ANKFY1: variants seen among roughly 807,000 people sequenced by gnomAD.
ANKFY1 encodes ankyrin repeat and FYVE domain-containing protein 1.
ANKFY1 carries 47 observed loss-of-function variants against 128.3 expected under a neutral mutation model. The ratio of observed to expected loss-of-function variants is 0.37; its 90% CI spans 0.29 to 0.47. The LOEUF (loss-of-function observed/expected upper bound fraction) is 0.47, where lower values mean the gene tolerates loss of function less well. Among genes scored for constraint, ANKFY1 ranks in the 20% least tolerant of loss-of-function variants. ANKFY1 has a pLI of 1.00. For synonymous variants in ANKFY1, 553 were observed against 601.6 expected (o/e 0.92, Z 1.18); for missense variants, 1,222 against 1,510.6 (o/e 0.81, Z 3.17).
At position 4,173,960 on chromosome 17, in the gene ANKFY1, G is replaced by A. The variant is rs1246018720; in HGVS notation, c.2872C>T (p.Leu958Phe). Reference sequence around the variant, plus strand: ...GCAAAGTCCACGCCATTCTCTAGGAGGACTGAGCAGATGGTGGGCAGGTCC... The same window carrying A: ...GCAAAGTCCACGCCATTCTCTAGGAAGACTGAGCAGATGGTGGGCAGGTCC... Reference protein sequence around the residue: ...QQDLPTICSVLLENGVDFAAV... With the variant: ...QQDLPTICSVFLENGVDFAAV... The change falls in exon 20 of 25, where the codon CTC becomes TTC. Residue 958 changes from leucine to phenylalanine, a missense_variant. Transcript: ENST00000341657. The A allele has an allele frequency of 2.5e-6, 4 of 1,614,124 alleles. No individual in the cohort carries two copies. The African/African-American group carries it at 5.3e-5, about 22-fold the overall frequency.
chr17:4,171,401 A>G (rs1210378069), intron 22 of ANKFY1, among the ~76,000 whole-genome samples: 3 of 152,176 alleles, frequency 2.0e-5, no homozygotes, highest in Admixed American at 1.3e-4. Context: ...GGCCTTCCCT[A>G]CGAACAATTA....
At position 4,172,697 on chromosome 17, in the gene ANKFY1, G is replaced by A; in HGVS notation, c.3015-17C>T. On this transcript the variant is annotated splice_polypyrimidine_tract_variant and intron_variant, in intron 21 of 24. Transcript: ENST00000341657. ...GACTGGCCTCTGATAAAACAAGTTGGAAAAGTTAGGAATGTATCTGCCATG... is the reference window on the plus strand; with the variant it reads ...GACTGGCCTCTGATAAAACAAGTTGAAAAAGTTAGGAATGTATCTGCCATG... The A allele has an allele frequency of 6.2e-7, 1 of 1,613,038 alleles. No homozygotes were observed. The highest frequency in any genetic ancestry group is 8.5e-7 in the Non-Finnish European group (1 of 1,179,686).
In ANKFY1 at chr17:4,241,575, T is replaced by C. The variant is rs188044011; in HGVS notation, c.203+681A>G. On this transcript the variant is annotated intron_variant, in intron 2 of 24. Transcript: ENST00000341657. ...AGGCATGAGCCACCGTGCCCAGCCC[T>C]GAGCTTCTAACAGAAGCTGTATGAC... Among the ~76,000 whole-genome samples, 23 of 151,854 alleles carry C rather than the reference T, an allele frequency of 1.5e-4. 1 individual carries two copies. The highest frequency in any genetic ancestry group is 5.1e-4 in the African/African-American group (21 of 41,458).
At chr17:4,248,375 C>G (rs1417976612) in intron 1 of ANKFY1, among the ~76,000 whole-genome samples, 1 of 152,224 alleles carries the variant, frequency 6.6e-6, no homozygotes, top group Non-Finnish European at 1.5e-5. Flanking sequence ...ACTCCAGTGC[C>G]TGATGATCTG....
chr17:4,173,386 C>G lies in ANKFY1; in HGVS notation c.2982G>C (p.Glu994Asp). 2.5e-6 allele frequency: 4 copies of G among 1,614,190 alleles called. No homozygotes were observed. The highest frequency in any genetic ancestry group is 3.4e-6 in the Non-Finnish European group (4 of 1,180,022). ...RLNNIRVLLTECTVDAEAFNL... is the reference protein window; with the variant it reads ...RLNNIRVLLTDCTVDAEAFNL... ...TAAAGGCTTCGGCGTCCACTGTGCACTCTGTCAGGAGAACCCGGATGTTGT... is the reference window on the plus strand; with the variant it reads ...TAAAGGCTTCGGCGTCCACTGTGCAGTCTGTCAGGAGAACCCGGATGTTGT... Residue 994 changes from glutamate to aspartate, a missense_variant, in exon 21 of 25, where the codon GAG (glutamate) becomes GAC (aspartate). By Grantham distance (45) the Glu-to-Asp change is conservative. Coordinates refer to ENST00000341657, the MANE Select transcript of ANKFY1 (RefSeq NM_001330063.2).
chr17:4,236,579 C>T (rs566117959), intron 2 of ANKFY1, among the ~76,000 whole-genome samples: 3 of 152,232 alleles, frequency 2.0e-5, no homozygotes, highest in Middle Eastern at 6.8e-3. Flanking sequence ...ATGTCAAATA[C>T]TACTGGAGGA....
At chr17:4,194,038 G>A (rs112404978) in intron 10 of ANKFY1, among the ~76,000 whole-genome samples, 7,533 of 149,360 alleles carry the variant, frequency 0.05, 413 homozygotes, top group African/African-American at 0.14. Context: ...GATTACAGGT[G>A]TGAGCTACCA....
chr17:4,199,317 T>A (rs1038969112), intron 7 of ANKFY1, among the ~76,000 whole-genome samples: 1 of 152,218 alleles, frequency 6.6e-6, no homozygotes, highest in African/African-American at 2.4e-5. Flanking sequence ...GTCTCCTGAA[T>A]AGCTGAGACT....
At chr17:4,242,483 C>T in intron 1 of ANKFY1, 35 bp from the exon 2 acceptor site, 1 of 1,496,108 alleles carries the variant, frequency 6.7e-7, no homozygotes. Context: ...TTCACCGTGG[C>T]TGCTGGAAAG....
chr17:4,256,477 G>T (rs1450381946), intron 1 of ANKFY1, among the ~76,000 whole-genome samples: 1 of 152,096 alleles, frequency 6.6e-6, no homozygotes, highest in East Asian at 1.9e-4. Flanking sequence ...GGTTCTCCAG[G>T]TTGAGAACTA....
rs202208375 is a variant in ANKFY1, at chr17:4,194,969, G to A, written c.1372+9C>T. ...CCAGCGTCGCCCCTTCGGGAGGCAC[G>A]TGCTTTACCTGTCGCCGTGTCAGGT... On this transcript the variant is annotated intron_variant, in intron 10 of 24. Coordinates refer to ENST00000341657, the MANE Select transcript of ANKFY1 (RefSeq NM_001330063.2). The A allele has an allele frequency of 2.2e-4, 353 of 1,614,064 alleles. No individual in the cohort carries two copies. The highest frequency in any genetic ancestry group is 2.8e-4 in the Non-Finnish European group (334 of 1,180,046).
At chr17:4,170,619 A>G (rs2059298639) in intron 23 of ANKFY1, 96 bp downstream of exon 23, 1 of 1,494,696 alleles carries the variant, frequency 6.7e-7, no homozygotes, top group Non-Finnish European at 9.0e-7. Flanking sequence ...TCCGATCCTA[A>G]GGCATCATGA....
intron 10 of ANKFY1, 171 bp downstream of exon 10, chr17:4,194,807 A>G (rs1318451986): frequency 1.5e-6 from 1 of 650,594 alleles, no homozygotes; most frequent in Non-Finnish European, 2.6e-6. Flanking sequence ...TTTGAAGCAC[A>G]GGATTTTTAA....
At position 4,184,673 on chromosome 17, in the gene ANKFY1, C is replaced by G. The variant is rs1567919949; in HGVS notation, c.1699+145G>C. ...CAGTCAAGAGCCAGACTACATGCTT[C>G]TCTAGTTTGACCTGAAAGGATTTTT... On this transcript the variant is annotated intron_variant, in intron 12 of 24. Coordinates refer to ENST00000341657, the MANE Select transcript of ANKFY1 (RefSeq NM_001330063.2). 1.9e-5 allele frequency: 16 copies of G among 841,132 alleles called. No individual in the cohort carries two copies. The South Asian group carries it at 2.4e-4, about 12-fold the overall frequency. The allele number at this position is 841,132 out of a possible 1,614,324, so 52.1% of individuals were successfully genotyped here.
intron 1 of ANKFY1, among the ~76,000 whole-genome samples, chr17:4,251,654 A>T (rs545619558): frequency 1.3e-5 from 2 of 152,214 alleles, no homozygotes; most frequent in South Asian, 4.1e-4. Context: ...AACATGGCTA[A>T]ATTTGACTTT....
chr17:4,226,955 T>C (rs570512419), intron 3 of ANKFY1, among the ~76,000 whole-genome samples: 7 of 152,212 alleles, frequency 4.6e-5, no homozygotes, highest in East Asian at 1.9e-4. Flanking sequence ...AACAAATTCA[T>C]AGTAACAAAT....
chr17:4,187,500 C>G, intron 11 of ANKFY1: 1 of 376,610 alleles, frequency 2.7e-6, no homozygotes, highest in Non-Finnish European at 4.7e-6. Context: ...AAAGCCCACA[C>G]AGCGGAAGCC....
At chr17:4,220,418 G>A (rs939588877) in intron 3 of ANKFY1, among the ~76,000 whole-genome samples, 4 of 152,098 alleles carry the variant, frequency 2.6e-5, no homozygotes, top group African/African-American at 7.2e-5. Flanking sequence ...AAGACAGCTC[G>A]TTCCTATCTG....
At position 4,183,797 on chromosome 17, in the gene ANKFY1, C is replaced by T; in HGVS notation, c.1798+15G>A. ...TGTCTGTCTGCAGACATCAGCGGCC[C>T]CGGCACAGCCTTACCAGTCCATAAT... On this transcript the variant is annotated intron_variant, in intron 13 of 24. Transcript: ENST00000341657. 6.2e-7 allele frequency: 1 copy of T among 1,602,294 alleles called. No individual in the cohort carries two copies. The highest frequency in any genetic ancestry group is 2.2e-5 in the East Asian group (1 of 44,834).
Sources: gnomAD v4.1 joint callset for allele counts (sites outside exome capture counted in the v4.1 genomes callset) on GRCh38, gnomAD v4.1.1 for gene constraint, MANE v1.5 for transcripts, NCBI Gene and HGNC (gene_info 2026-07-23, HGNC 2026-07-21) for gene names.